RGS3: variants seen among roughly 807,000 people sequenced by gnomAD.
The protein encoded by RGS3 is regulator of G-protein signalling 3.
Under a neutral mutation model 132.6 loss-of-function variants are expected in RGS3, and 80 were observed. The ratio of observed to expected loss-of-function variants is 0.60; its 90% confidence interval spans 0.50 to 0.73. RGS3 has a LOEUF of 0.73. Ranked by LOEUF, RGS3 falls within the 30% of genes least tolerant of loss-of-function variation. The pLI is 0.00. For missense variants in RGS3, 1,382 were observed against 1,530.8 expected (o/e 0.90, Z 1.62); for synonymous variants, 598 against 620.6 (o/e 0.96, Z 0.54).
At chr9:113,459,611 G>A (rs1374841582), upstream of RGS3, among the ~76,000 whole-genome samples, 1 of 152,120 alleles carries the variant, frequency 6.6e-6, no homozygotes, top group Non-Finnish European at 1.5e-5. Flanking sequence ...TTAGCTAGGT[G>A]TGGTGGCGCG....
chr9:113,514,716 GC>G, intron 15 of RGS3, 62 bp downstream of exon 13: 2 of 1,537,988 alleles, frequency 1.3e-6, no homozygotes, highest in Non-Finnish European at 1.8e-6. Flanking sequence ...GAGGGCCCTT[GC>G]CCCAGGACTC....
chr9:113,550,266 G>A (rs887095673), intron 19 of RGS3, among the ~76,000 whole-genome samples: 29 of 152,342 alleles, frequency 1.9e-4, no homozygotes, highest in Admixed American at 1.2e-3. Flanking sequence ...GGGAGGCTGA[G>A]GTGGGAGAAT....
intron 3 of RGS3, among the ~76,000 whole-genome samples, chr9:113,477,121 C>T (rs765768994): frequency 1.3e-5 from 2 of 152,132 alleles, no homozygotes; most frequent in Non-Finnish European, 2.9e-5. Context: ...ATTGCTCAGA[C>T]TTTGAGATAA....
Position 113,507,324 on chromosome 9 carries a change from A to C in RGS3, c.1123A>C (p.Met375Leu). 6.2e-7 allele frequency: 1 copy of C among 1,613,798 alleles called. No homozygotes were observed. The highest frequency in any genetic ancestry group is 8.5e-7 in the Non-Finnish European group (1 of 1,179,960). The change falls in exon 13 of 25, where the codon ATG (methionine) becomes CTG (leucine). Residue 375 changes from methionine (M) to leucine (L), a missense_variant. Transcript: ENST00000350696. The surrounding 1 kb of genome is among the most constrained non-coding windows in gnomAD (Gnocchi z 5.0). The stretch of plus-strand genomic sequence containing the variant: ...TGAGATCATCCTACTCGTGTGGCGC[A>C]TGGTCCCCCAGGTCAAGCCAGGACC...
intron 14 of RGS3, among the ~76,000 whole-genome samples, chr9:113,514,185 C>T (rs1282121211): frequency 9.8e-5 from 15 of 152,328 alleles, no homozygotes; most frequent in Non-Finnish European, 1.5e-5. Flanking sequence ...AGTGTGCTGC[C>T]TCCATCATAG....
intron 19 of RGS3, among the ~76,000 whole-genome samples, chr9:113,547,254 T>C (rs1422089681): frequency 6.6e-6 from 1 of 152,226 alleles, no homozygotes; most frequent in Non-Finnish European, 1.5e-5. Context: ...AGTTTTCACA[T>C]TGAAACAGAG....
chr9:113,524,235 A>T (rs1832096215), intron 17 of RGS3, among the ~76,000 whole-genome samples: 1 of 151,642 alleles, frequency 6.6e-6, no homozygotes, highest in Admixed American at 6.6e-5. Flanking sequence ...GCTCCCTCAC[A>T]CCCAGCTTCC....
chr9:113,461,979 T>C (rs762949711), intron 2 of RGS3: 1 of 1,604,470 alleles, frequency 6.2e-7, no homozygotes, highest in East Asian at 2.2e-5. Context: ...ATGGAGCATC[T>C]TCAGGCCATG....
intron 20 of RGS3, among the ~76,000 whole-genome samples, chr9:113,588,580 C>T (rs1835247077): frequency 6.6e-6 from 1 of 152,226 alleles, no homozygotes; most frequent in Admixed American, 6.5e-5. Context: ...TCCTCAGCTG[C>T]ACACTGAGGG....
At chr9:113,500,947 C>T (rs1830860497) in intron 10 of RGS3, among the ~76,000 whole-genome samples, 1 of 152,178 alleles carries the variant, frequency 6.6e-6, no homozygotes, top group Non-Finnish European at 1.5e-5. Context: ...GCCTTGGCCT[C>T]CCAAAGTGTT....
intron 3 of RGS3, among the ~76,000 whole-genome samples, chr9:113,468,771 T>C (rs1829729522): frequency 1.3e-5 from 2 of 152,116 alleles, no homozygotes; most frequent in African/African-American, 4.8e-5. Flanking sequence ...AGAGAACAGG[T>C]TGCCTTTTCT....
At chr9:113,566,750 CTGGCTGGG>C (rs1336837634) in intron 19 of RGS3, among the ~76,000 whole-genome samples, 1 of 152,274 alleles carries the variant, frequency 6.6e-6, no homozygotes, top group Non-Finnish European at 1.5e-5. Flanking sequence ...CTCAGGCCTT[CTGGCTGGG>C]TGGCTATCTG....
At chr9:113,499,751 A>G (rs754139454) in intron 10 of RGS3, among the ~76,000 whole-genome samples, 2 of 152,308 alleles carry the variant, frequency 1.3e-5, no homozygotes, top group South Asian at 4.1e-4. Flanking sequence ...ACCTGTGGCT[A>G]TTGAGCACTT....
chr9:113,526,830 A>C (rs1004810919), intron 17 of RGS3, among the ~76,000 whole-genome samples: 1 of 152,198 alleles, frequency 6.6e-6, no homozygotes, highest in African/African-American at 2.4e-5. Flanking sequence ...ATGCCAAGGC[A>C]GTTGGAATGT....
In RGS3 at chr9:113,564,523, A is replaced by T. The variant is rs866944882; in HGVS notation, c.2038-18927A>T. On this transcript the variant is annotated intron_variant, in intron 19 of 24. Transcript: ENST00000350696. ...GAAGGAACTTGCTCAGTGACACCCA[A>T]TTAACCAGTGCTGGAGCTGGAACTG... Among the ~76,000 whole-genome samples, 18 of 152,304 alleles carry T rather than the reference A, an allele frequency of 1.2e-4. No homozygotes were observed. The Middle Eastern group carries it at 0.01, about 86-fold the overall frequency.
chr9:113,514,737 G>T (rs1434866282), intron 15 of RGS3, 83 bp downstream of exon 13: 11 of 1,376,482 alleles, frequency 8.0e-6, no homozygotes, highest in Non-Finnish European at 1.0e-5. Flanking sequence ...CAGGGATGAT[G>T]ACTTATCCCA....
At chr9:113,584,331 C>T (rs182413931) in exon 20 of RGS3, 108 of 1,599,026 alleles carry the variant, frequency 6.8e-5, no homozygotes, top group South Asian at 5.4e-4. Flanking sequence ...CCGCCTCCAC[C>T]TGGGGCATGC....
intron 19 of RGS3, chr9:113,541,177 C>T (rs1832886179): frequency 1.3e-6 from 1 of 792,910 alleles, no homozygotes; most frequent in Non-Finnish European, 2.0e-6. Context: ...GCCACCTTGT[C>T]ATCTCCACTG....
intron 3 of RGS3, among the ~76,000 whole-genome samples, chr9:113,465,559 T>A (rs1337976580): frequency 6.6e-6 from 1 of 152,010 alleles, no homozygotes; most frequent in African/African-American, 2.4e-5. Context: ...CCATATGTTT[T>A]CCTTAGTGGC....
Sources: gnomAD v4.1 joint callset for allele counts (sites outside exome capture counted in the v4.1 genomes callset) on GRCh38, gnomAD v4.1.1 for gene constraint, Gnocchi (gnomAD v3.1) non-coding constraint, MANE v1.5 for transcripts, NCBI Gene and HGNC (gene_info 2026-07-23, HGNC 2026-07-21) for gene names.